The following WDR59 variants were observed in gnomAD, a reference collection of about 807,000 sequenced individuals.
The protein encoded by WDR59 is GATOR2 complex protein WDR59.
In WDR59, 100 loss-of-function variants were observed where a neutral mutation model predicts 131.2. That is an observed-to-expected ratio of 0.76 (90% CI 0.65 to 0.90). WDR59 has a LOEUF of 0.90. Among genes scored for constraint, WDR59 ranks in the 40% least tolerant of loss-of-function variants. WDR59 has a pLI of 0.00. For missense variants in WDR59, 1,203 were observed against 1,262.2 expected (o/e 0.95, Z 0.71); for synonymous variants, 601 against 466.2 (o/e 1.29, Z -3.72).
intron 8 of WDR59, chr16:74,930,753 T>A (rs895824954): frequency 2.0e-5 from 3 of 151,600 alleles, no homozygotes; most frequent in Admixed American, 1.3e-4. Flanking sequence ...GCTAGCCAAG[T>A]GTGGTGGCAC....
chr16:74,919,515 T>C (rs754334652), intron 10 of WDR59, among the ~76,000 whole-genome samples: 5 of 148,382 alleles, frequency 3.4e-5, no homozygotes, highest in Non-Finnish European at 6.0e-5. Flanking sequence ...TTTTTTTTAA[T>C]ATATTTTGGT....
intron 8 of WDR59, among the ~76,000 whole-genome samples, chr16:74,937,440 C>T (rs2031892550): frequency 6.6e-6 from 1 of 152,168 alleles, no homozygotes; most frequent in Non-Finnish European, 1.5e-5. Flanking sequence ...CAACTGTAGA[C>T]TTTTCTCCTT....
chr16:74,976,149 G>C (rs924296136), intron 1 of WDR59, among the ~76,000 whole-genome samples: 2 of 152,130 alleles, frequency 1.3e-5, no homozygotes, highest in African/African-American at 4.8e-5. Flanking sequence ...ACCGAAGCTG[G>C]ATTGCTCCAG....
Position 74,917,978 on chromosome 16 carries a change from G to A in WDR59, c.917C>T (p.Ser306Phe), listed in dbSNP as rs769092624. ...GSKDYQLVTW[S>F]RDQTLRMWRV... ...CCACATTCTCAAGGTCTGATCCCGG[G>A]ACCACGTCACCAGTTGATAGTCCTT... The change falls in exon 11 of 26, where the codon TCC becomes TTC. Residue 306 changes from serine to phenylalanine, a missense_variant. Coordinates refer to ENST00000262144, the MANE Select transcript of WDR59 (RefSeq NM_030581.4). 6.2e-7 allele frequency: 1 copy of A among 1,613,956 alleles called. No individual in the cohort carries two copies. The highest frequency in any genetic ancestry group is 8.5e-7 in the Non-Finnish European group (1 of 1,179,958).
intron 25 of WDR59, among the ~76,000 whole-genome samples, chr16:74,878,079 A>G (rs533062023): frequency 1.6e-4 from 25 of 152,344 alleles, no homozygotes; most frequent in African/African-American, 5.3e-4. Context: ...TCACTATAGG[A>G]AGGAGGAAGC....
intron 25 of WDR59, among the ~76,000 whole-genome samples, chr16:74,879,733 A>G (rs1018584749): frequency 5.9e-5 from 9 of 152,234 alleles, no homozygotes; most frequent in African/African-American, 2.2e-4. Context: ...AGATCTTAAT[A>G]TAGATTATAA....
chr16:74,950,956 G>A (rs147974007), intron 4 of WDR59, among the ~76,000 whole-genome samples: 72 of 145,636 alleles, frequency 4.9e-4, no homozygotes, highest in African/African-American at 1.6e-3. Flanking sequence ...AGGAGTTCAA[G>A]ACCAGCCTGG....
rs1016234118 is a variant in WDR59 at position 74,929,866 on chromosome 16, C to T, written c.652-5863G>A. 2.6e-5 allele frequency among the ~76,000 whole-genome samples: 4 copies of T among 152,246 alleles called. No homozygotes were observed. The East Asian group carries it at 5.8e-4, about 22-fold the overall frequency. Reference sequence around the variant, plus strand: ...TTCATCCATGAAAAAGAATGCAATCCTATCATTTACAACAACATGGAAGGA... The same window carrying T: ...TTCATCCATGAAAAAGAATGCAATCTTATCATTTACAACAACATGGAAGGA... On this transcript the variant is annotated intron_variant, in intron 8 of 25. Coordinates refer to ENST00000262144, the MANE Select transcript of WDR59 (RefSeq NM_030581.4).
chr16:74,887,832 A>T (rs1964841959), intron 22 of WDR59, 77 bp from the exon 23 acceptor site: 1 of 1,420,422 alleles, frequency 7.0e-7, no homozygotes. Context: ...TTAAGAAAAC[A>T]GCAGGCCAAG....
chr16:74,939,461 T>C (rs938209032), intron 7 of WDR59, among the ~76,000 whole-genome samples: 7 of 151,648 alleles, frequency 4.6e-5, no homozygotes, highest in African/African-American at 2.4e-5. Context: ...TTAGAGCTTA[T>C]AGTACGAGGA....
chr16:74,914,272 A>G (rs989093797), intron 13 of WDR59, among the ~76,000 whole-genome samples: 4 of 152,216 alleles, frequency 2.6e-5, no homozygotes, highest in African/African-American at 9.6e-5. Context: ...ATTTTTTTAA[A>G]GTACTCTCGA....
chr16:74,911,931 T>A, intron 14 of WDR59: 1 of 548,272 alleles, frequency 1.8e-6, no homozygotes, highest in East Asian at 2.8e-5. Flanking sequence ...TCATATGCAA[T>A]CATTGTGCAG....
At chr16:74,908,354 C>T (rs1278755858) in intron 17 of WDR59, among the ~76,000 whole-genome samples, 1 of 152,126 alleles carries the variant, frequency 6.6e-6, no homozygotes, top group Non-Finnish European at 1.5e-5. Flanking sequence ...AAGGCAGAGG[C>T]TGCTGTAAGC....
intron 7 of WDR59, among the ~76,000 whole-genome samples, chr16:74,942,007 G>A (rs1306998458): frequency 6.6e-6 from 1 of 152,168 alleles, no homozygotes; most frequent in African/African-American, 2.4e-5. Context: ...CAGGTCTCAT[G>A]GCAGTGATGG....
At chr16:74,896,756 T>A (rs1010574024) in intron 18 of WDR59, among the ~76,000 whole-genome samples, 2 of 152,186 alleles carry the variant, frequency 1.3e-5, no homozygotes, top group Non-Finnish European at 2.9e-5. Context: ...CCATTTGAAA[T>A]TGACAAATGA....
At chr16:74,928,206 T>G (rs908936963) in intron 8 of WDR59, among the ~76,000 whole-genome samples, 1 of 372 alleles carries the variant, frequency 2.7e-3, no homozygotes, top group Non-Finnish European at 0.024. Context: ...GCATCCAGGT[T>G]TTTTTTTTTT....
At position 74,885,704 on chromosome 16, in the gene WDR59, C is replaced by T; in HGVS notation, c.2638G>A (p.Ala880Thr). Residue 880 changes from alanine (A) to threonine (T), a missense_variant, in exon 25 of 26, where the codon GCT (alanine) becomes ACT (threonine). Transcript: ENST00000262144. Reference sequence around the variant, plus strand: ...CAGGAGACAAACTTCAACACTTCAGCTCGCTTCTCTCTCAGACCCCAACGG... The same window carrying T: ...CAGGAGACAAACTTCAACACTTCAGTTCGCTTCTCTCTCAGACCCCAACGG... ...LYRWGLREKR[A>T]EVLKFVSCPP... The T allele has an allele frequency of 6.2e-7, 1 of 1,614,132 alleles. No individual in the cohort carries two copies. The highest frequency in any genetic ancestry group is 8.5e-7 in the Non-Finnish European group (1 of 1,180,024).
chr16:74,932,430 TACACACACACACACACACAC>T (rs34468583), intron 8 of WDR59, among the ~76,000 whole-genome samples: 11 of 144,202 alleles, frequency 7.6e-5, no homozygotes, highest in African/African-American at 2.0e-4. Context: ...ACATAATTTT[TACACACACACACACACACAC>T]ACACACACAC....
At chr16:74,968,592 G>C (rs1203811749) in intron 1 of WDR59, among the ~76,000 whole-genome samples, 1 of 152,082 alleles carries the variant, frequency 6.6e-6, no homozygotes, top group East Asian at 1.9e-4. Flanking sequence ...GTGGTGGCAT[G>C]CATCTGCAGT....
Sources: allele counts gnomAD v4.1 joint callset (sites outside exome capture counted in the v4.1 genomes callset), GRCh38; gene constraint gnomAD v4.1.1; transcripts MANE v1.5; gene names NCBI Gene and HGNC (gene_info 2026-07-23, HGNC 2026-07-21).